The following SLC30A6 variants were observed in gnomAD, a reference collection of about 807,000 sequenced individuals.
SLC30A6 encodes the protein solute carrier family 30 member 6.
SLC30A6 carries 55 observed loss-of-function variants against 63.0 expected under a neutral mutation model. That is an observed-to-expected ratio of 0.87 (90% CI 0.70 to 1.09). The LOEUF (loss-of-function observed/expected upper bound fraction) is 1.09. SLC30A6 is among the 50% of genes least tolerant of loss of function. The pLI, the probability that SLC30A6 is intolerant of heterozygous loss-of-function variation, is 0.00. For missense variants in SLC30A6, 587 were observed against 549.2 expected, an observed-to-expected ratio of 1.07 and a Z score of -0.69; for synonymous variants, 224 against 186.1, an observed-to-expected ratio of 1.20 and a Z score of -1.66.
intron 13 of SLC30A6, among the ~76,000 whole-genome samples, chr2:32,210,590 A>C (rs1457421748): frequency 6.6e-6 from 1 of 150,716 alleles, no homozygotes; most frequent in Non-Finnish European, 1.5e-5. Context: ...TTGTTTAATT[A>C]ATTTATCATG....
intron 4 of SLC30A6, among the ~76,000 whole-genome samples, chr2:32,176,897 C>G (rs1230917704): frequency 2.0e-5 from 3 of 151,728 alleles, no homozygotes; most frequent in Non-Finnish European, 4.4e-5. Flanking sequence ...CTCAGCCTCC[C>G]AAGTAGCTGG....
At chr2:32,183,399 G>A (rs945767052) in intron 4 of SLC30A6, among the ~76,000 whole-genome samples, 8 of 151,576 alleles carry the variant, frequency 5.3e-5, no homozygotes, top group South Asian at 2.1e-4. Context: ...ATGGCTTTTC[G>A]GCCAGGCGCG....
In SLC30A6 at chr2:32,197,786, G is replaced by A. The variant is rs143898504; in HGVS notation, c.625G>A (p.Ala209Thr). ...ATTTGTTTTGATTGATCTTGCTGGA[G>A]CATTTGCTCTTTGTATTACATATAT... ...NPFVLIDLAG[A>T]FALCITYMLI... The change falls in exon 10 of 14, where the codon GCA (alanine) becomes ACA (threonine). Residue 209 changes from alanine to threonine, a missense_variant. Physicochemically the swap from Ala to Thr is moderately conservative, Grantham distance 58. Coordinates refer to ENST00000282587, the MANE Select transcript of SLC30A6 (RefSeq NM_017964.5). The A allele has an allele frequency of 1.9e-5, 30 of 1,614,050 alleles. No homozygotes were observed. The East Asian group carries it at 3.1e-4, about 17-fold the overall frequency.
chr2:32,184,542 A>G (rs753804014), intron 5 of SLC30A6, among the ~76,000 whole-genome samples: 3 of 152,224 alleles, frequency 2.0e-5, no homozygotes, highest in African/African-American at 7.2e-5. Context: ...AGGCAGGCAG[A>G]GCACCTTAGG....
intron 4 of SLC30A6, among the ~76,000 whole-genome samples, chr2:32,177,264 T>C (rs1390560396): frequency 7.9e-5 from 12 of 152,194 alleles, no homozygotes; most frequent in Admixed American, 7.9e-4. Context: ...CCTTTATGAC[T>C]GTCTTCTTAG....
At position 32,200,077 on chromosome 2, in the gene SLC30A6, T is replaced by TACACAC. The variant is rs35617136; in HGVS notation, c.665+2265_665+2270dup. Among the ~76,000 whole-genome samples the TACACAC allele has an allele frequency of 5.1e-3, 757 of 149,304 alleles. 5 individuals are homozygous for TACACAC. The highest frequency in any genetic ancestry group is 0.017 in the African/African-American group (696 of 40,054). ...AGGTTATATATATATGAGACATATA[T>TACACAC]ACACACACACACACACACAAATATA... is the stretch of plus-strand genomic sequence containing the variant. On this transcript the variant is annotated intron_variant, in intron 10 of 13. Transcript: ENST00000282587.
intron 2 of SLC30A6, 38 bp downstream of exon 2, chr2:32,171,411 A>G: frequency 1.4e-6 from 2 of 1,476,030 alleles, no homozygotes; most frequent in African/African-American, 1.4e-5. Flanking sequence ...ATTATTGCAC[A>G]AACAACATTA....
intron 8 of SLC30A6, among the ~76,000 whole-genome samples, chr2:32,194,320 A>G (rs943103805): frequency 2.0e-5 from 3 of 152,234 alleles, no homozygotes; most frequent in Non-Finnish European, 4.4e-5. Flanking sequence ...AAGTATCAGT[A>G]TACTTAGAAT....
chr2:32,194,618 G>A (rs964348221), intron 8 of SLC30A6, among the ~76,000 whole-genome samples: 14 of 152,262 alleles, frequency 9.2e-5, no homozygotes, highest in Admixed American at 2.0e-4. Context: ...ATAGAAGTGG[G>A]ATGTGTGCAC....
chr2:32,206,961 T>C (rs370420771), intron 12 of SLC30A6, 28 bp downstream of exon 12: 18 of 1,542,456 alleles, frequency 1.2e-5, no homozygotes, highest in Admixed American at 3.3e-5. Context: ...ATAAAATCAT[T>C]TTATTTTATA....
chr2:32,181,225 A>G (rs531089965), intron 4 of SLC30A6, among the ~76,000 whole-genome samples: 1 of 152,330 alleles, frequency 6.6e-6, no homozygotes, highest in South Asian at 2.1e-4. Flanking sequence ...AGATTTATGT[A>G]GTAATGGGAA....
chr2:32,206,835 C>A, intron 11 of SLC30A6, 51 bp from the exon 12 acceptor site: 1 of 1,489,826 alleles, frequency 6.7e-7, no homozygotes, highest in Non-Finnish European at 9.4e-7. Context: ...CCATTGTTGG[C>A]AAACTTTTTT....
chr2:32,165,936 G>A, intron 1 of SLC30A6, 33 bp downstream of exon 1: 1 of 1,614,152 alleles, frequency 6.2e-7, no homozygotes, highest in Non-Finnish European at 8.5e-7. Flanking sequence ...GGTTTCGGCT[G>A]TAGCTGATTC....
At position 32,165,887 on chromosome 2, in the gene SLC30A6, T is replaced by A. The variant is rs376483259; in HGVS notation, c.-14T>A. 4 of 1,614,156 alleles carry A rather than the reference T, an allele frequency of 2.5e-6. No individual in the cohort carries two copies. Among genetic ancestry groups the A allele is most frequent in the South Asian group, 1.1e-5 (1 of 91,074 alleles). ...CCAGAACGGCTTCCGGCGGGAGCTG[T>A]GCAGCTCCTTATCATGGTGAGTTGG... On this transcript the variant is annotated 5_prime_UTR_variant, in exon 1 of 14. Transcript: ENST00000282587.
intron 1 of SLC30A6, among the ~76,000 whole-genome samples, chr2:32,167,010 T>C: frequency 6.6e-6 from 1 of 152,120 alleles, no homozygotes; most frequent in East Asian, 1.9e-4. Context: ...GCACTCAAGA[T>C]AAAGTCCTGT....
intron 10 of SLC30A6, chr2:32,202,054 A>T: frequency 1.1e-6 from 1 of 920,210 alleles, no homozygotes; most frequent in Middle Eastern, 3.8e-4. Context: ...ATCCTTAGAT[A>T]GTTCTACTCA....
intron 13 of SLC30A6, among the ~76,000 whole-genome samples, chr2:32,218,478 C>G (rs563721582): frequency 2.0e-5 from 3 of 150,938 alleles, no homozygotes; most frequent in African/African-American, 7.4e-5. Flanking sequence ...ATCTGTCTGT[C>G]CCTCTCTGAT....
At chr2:32,178,832 G>A (rs940569134) in intron 4 of SLC30A6, among the ~76,000 whole-genome samples, 1 of 152,178 alleles carries the variant, frequency 6.6e-6, no homozygotes, top group Non-Finnish European at 1.5e-5. Flanking sequence ...TTTGAAATTG[G>A]AAAGTGTGGA....
chr2:32,209,590 A>G (rs749492224), intron 13 of SLC30A6, 29 bp downstream of exon 13: 7 of 1,513,130 alleles, frequency 4.6e-6, no homozygotes, highest in Non-Finnish European at 6.3e-6. Flanking sequence ...GACTTTAGTT[A>G]TAATTTAAAA....
Sources: allele counts gnomAD v4.1 joint callset (sites outside exome capture counted in the v4.1 genomes callset), GRCh38; gene constraint gnomAD v4.1.1; transcripts MANE v1.5; gene names NCBI Gene and HGNC (gene_info 2026-07-23, HGNC 2026-07-21).